The following CD96 variants were observed in gnomAD, a reference collection of about 807,000 sequenced individuals.
CD96 encodes CD96 molecule.
In CD96, 70 loss-of-function variants were observed where a neutral mutation model predicts 71.3. That is an observed-to-expected ratio of 0.98 (90% CI 0.81 to 1.20). The LOEUF (loss-of-function observed/expected upper bound fraction) is 1.20, where lower values mean the gene tolerates loss of function less well. Among genes scored for constraint, CD96 ranks in the 50% most tolerant of loss-of-function variants. The pLI is 0.00. For missense variants in CD96, 742 were observed against 677.5 expected, an observed-to-expected ratio of 1.10 and a Z score of -1.06; for synonymous variants, 248 against 233.0, an observed-to-expected ratio of 1.06 and a Z score of -0.59.
intron 6 of CD96, among the ~76,000 whole-genome samples, chr3:111,599,417 T>C (rs1279469242): frequency 6.6e-6 from 1 of 152,170 alleles, no homozygotes; most frequent in East Asian, 1.9e-4. Flanking sequence ...ATTCTAAAAA[T>C]ATAGGTTAAA....
chr3:111,559,132 A>G (rs1935245725), intron 2 of CD96, among the ~76,000 whole-genome samples: 2 of 150,126 alleles, frequency 1.3e-5, no homozygotes, highest in African/African-American at 2.5e-5. Context: ...CGGTCTATCA[A>G]TTTTGTTGAT....
intron 10 of CD96, among the ~76,000 whole-genome samples, chr3:111,632,422 C>T (rs766651896): frequency 3.3e-5 from 5 of 152,050 alleles, no homozygotes; most frequent in African/African-American, 2.4e-5. Flanking sequence ...CAATGAGATA[C>T]CATCTCACAC....
intron 10 of CD96, among the ~76,000 whole-genome samples, chr3:111,636,467 T>A (rs753353763): frequency 6.6e-6 from 1 of 152,248 alleles, no homozygotes; most frequent in Non-Finnish European, 1.5e-5. Flanking sequence ...TATAGTTATT[T>A]TACTTTACAT....
intron 2 of CD96, among the ~76,000 whole-genome samples, chr3:111,564,664 G>T (rs1396872818): frequency 6.6e-6 from 1 of 151,990 alleles, no homozygotes; most frequent in Non-Finnish European, 1.5e-5. Context: ...TGCTCTCATT[G>T]TTGTAGGAAT....
At chr3:111,602,367 T>C (rs943545605) in intron 7 of CD96, among the ~76,000 whole-genome samples, 11 of 152,282 alleles carry the variant, frequency 7.2e-5, no homozygotes, top group African/African-American at 2.4e-4. Context: ...CTGATTCTGA[T>C]ACTGAAAACA....
intron 12 of CD96, among the ~76,000 whole-genome samples, chr3:111,639,100 A>G (rs1939473148): frequency 6.6e-6 from 1 of 152,206 alleles, no homozygotes; most frequent in African/African-American, 2.4e-5. Context: ...TGTGAATTTT[A>G]GCTCCAGATC....
chr3:111,657,099 A>C (rs1380446152), downstream of CD96, among the ~76,000 whole-genome samples: 1 of 151,990 alleles, frequency 6.6e-6, no homozygotes, highest in Non-Finnish European at 1.5e-5. Context: ...AAGAAAGAAA[A>C]AACTAATCCA....
chr3:111,631,085 C>T (rs140572205), intron 10 of CD96, among the ~76,000 whole-genome samples: 8 of 152,184 alleles, frequency 5.3e-5, no homozygotes, highest in Non-Finnish European at 7.4e-5. Context: ...CCTTGAAAAC[C>T]GGTACAGGGT....
At chr3:111,578,510 AT>A (rs1424613741) in intron 3 of CD96, among the ~76,000 whole-genome samples, 2 of 152,216 alleles carry the variant, frequency 1.3e-5, no homozygotes, top group African/African-American at 4.8e-5. Context: ...GGGTGTCAAC[AT>A]TTCACTTGCA....
intron 9 of CD96, 87 bp from the exon 10 acceptor site, chr3:111,624,246 C>T: frequency 1.1e-6 from 1 of 889,382 alleles, no homozygotes; most frequent in Non-Finnish European, 1.9e-6. Flanking sequence ...CCCAAAGTCA[C>T]ATAGATTAAA....
At chr3:111,624,606 G>A (rs1938660056) in intron 10 of CD96, among the ~76,000 whole-genome samples, 1 of 152,172 alleles carries the variant, frequency 6.6e-6, no homozygotes, top group African/African-American at 2.4e-5. Context: ...CTGATTAAGG[G>A]GAGACAGACA....
intron 5 of CD96, among the ~76,000 whole-genome samples, chr3:111,592,120 ATG>A (rs1287634278): frequency 6.6e-6 from 1 of 152,094 alleles, no homozygotes; most frequent in Non-Finnish European, 1.5e-5. Flanking sequence ...TTGTTTTTTA[ATG>A]TGTGTGTTTG....
At chr3:111,653,418 T>G (rs573386115), downstream of CD96, among the ~76,000 whole-genome samples, 2 of 152,380 alleles carry the variant, frequency 1.3e-5, no homozygotes, top group African/African-American at 4.8e-5. Context: ...AAGTGCCTAA[T>G]GCGTGCTTTA....
At chr3:111,561,816 C>T (rs1403901969) in intron 2 of CD96, among the ~76,000 whole-genome samples, 24 of 145,656 alleles carry the variant, frequency 1.6e-4, no homozygotes, top group Non-Finnish European at 3.0e-4. Flanking sequence ...GCCTCGCTGC[C>T]GACTTGCAGT....
intron 8 of CD96, among the ~76,000 whole-genome samples, chr3:111,620,487 A>T (rs1289857946): frequency 2.0e-5 from 3 of 152,218 alleles, no homozygotes; most frequent in Non-Finnish European, 4.4e-5. Flanking sequence ...TAGGAACTAC[A>T]TAGTTCTCTA....
At chr3:111,627,133 A>G (rs931959930) in intron 10 of CD96, among the ~76,000 whole-genome samples, 1 of 152,236 alleles carries the variant, frequency 6.6e-6, no homozygotes, top group Non-Finnish European at 1.5e-5. Flanking sequence ...CCAAAACAAT[A>G]GCCATAACCC....
chr3:111,577,158 T>A (rs1936255553), intron 3 of CD96, among the ~76,000 whole-genome samples: 1 of 152,226 alleles, frequency 6.6e-6, no homozygotes, highest in Non-Finnish European at 1.5e-5. Flanking sequence ...AAGCAGTTTT[T>A]CTCACCAGTC....
intron 2 of CD96, among the ~76,000 whole-genome samples, chr3:111,546,913 G>GACACAC (rs1491160910): frequency 3.9e-5 from 2 of 51,894 alleles, no homozygotes; most frequent in Non-Finnish European, 8.6e-5. Context: ...CACACACACA[G>GACACAC]ACACATACAC....
At chr3:111,626,393 A>G (rs1465458701) in intron 10 of CD96, among the ~76,000 whole-genome samples, 2 of 151,346 alleles carry the variant, frequency 1.3e-5, no homozygotes, top group African/African-American at 4.8e-5. Flanking sequence ...AAATCATTTT[A>G]TATGTAATCA....
Sources: gnomAD v4.1 joint callset for allele counts (sites outside exome capture counted in the v4.1 genomes callset) on GRCh38, gnomAD v4.1.1 for gene constraint, MANE v1.5 for transcripts, NCBI Gene and HGNC (gene_info 2026-07-23, HGNC 2026-07-21) for gene names.